Variants in HGS observed in about 807,000 individuals in gnomAD.
HGS encodes the protein human growth factor-regulated tyrosine kinase substrate.
HGS carries 63 observed loss-of-function variants against 109.7 expected under a neutral mutation model. That is an observed-to-expected ratio of 0.57 (90% CI 0.47 to 0.71). HGS has a LOEUF of 0.71. Among genes scored for constraint, HGS ranks in the 30% least tolerant of loss-of-function variants. HGS has a pLI of 0.00. For missense variants in HGS, 995 were observed against 1,068.3 expected, an observed-to-expected ratio of 0.93 and a Z score of 0.96; for synonymous variants, 546 against 437.3, an observed-to-expected ratio of 1.25 and a Z score of -3.10.
At position 81,688,915 on chromosome 17, in the gene HGS, A is replaced by C. The variant is rs530724445; in HGVS notation, c.415+88A>C. 3.5e-5 allele frequency: 54 copies of C among 1,542,778 alleles called. No homozygotes were observed. In the African/African-American group the frequency reaches 6.9e-4, roughly 20 times the overall value. On this transcript the variant is annotated intron_variant, in intron 5 of 21. Coordinates refer to ENST00000329138, the MANE Select transcript of HGS (RefSeq NM_004712.5). Reference sequence around the variant, plus strand: ...CGGGCACAGTGGCGAGGGGCCTGGGAAGATGGGTTGTTCCCTGTGTTGGGA... The same window carrying C: ...CGGGCACAGTGGCGAGGGGCCTGGGCAGATGGGTTGTTCCCTGTGTTGGGA...
rs761409407 is a variant in HGS, at chr17:81,693,979, G to C, written c.936+14G>C. 2 of 1,597,660 alleles carry C rather than the reference G, an allele frequency of 1.3e-6. No individual in the cohort carries two copies. Among genetic ancestry groups the C allele is most frequent in the African/African-American group, 2.7e-5 (2 of 74,304 alleles). On this transcript the variant is annotated intron_variant, in intron 11 of 21. Transcript: ENST00000329138. ...TCTTCACCTGTGGTGAGCGGCCCTT[G>C]GGCTGGAGCTCCCTCTCCTGGAAGG...
rs553252443 is a variant in HGS at position 81,700,521 on chromosome 17, C to T, written c.1937C>T (p.Ala646Val). ...CCAGCAGGGGCCACTGGGGCGCAGG[C>T]GGCCCCCCAGGCCCAGGCCGGACCC... ...MYPAGATGAQ[A>V]APQAQAGPTA... The change falls in exon 19 of 22, where the codon GCG becomes GTG. Residue 646 changes from alanine (A) to valine (V), a missense_variant. Transcript: ENST00000329138. The T allele has an allele frequency of 2.6e-5, 41 of 1,607,766 alleles. No homozygotes were observed. Among genetic ancestry groups the T allele is most frequent in the East Asian group, 2.0e-4 (9 of 44,818 alleles).
rs746512389 is a variant in HGS, at chr17:81,701,023, A to G, written c.2137-22A>G. Reference sequence around the variant, plus strand: ...CCTGGTCACAGGGCTACTCTCTCACATCTGACGTCTTCTCACAACAGAATC... The same window carrying G: ...CCTGGTCACAGGGCTACTCTCTCACGTCTGACGTCTTCTCACAACAGAATC... On this transcript the variant is annotated intron_variant, in intron 20 of 21. Coordinates refer to ENST00000329138, the MANE Select transcript of HGS (RefSeq NM_004712.5). 2.5e-6 allele frequency: 4 copies of G among 1,607,110 alleles called. No individual in the cohort carries two copies. The South Asian group carries it at 4.4e-5, about 18-fold the overall frequency.
chr17:81,694,875 A>G, intron 12 of HGS, 22 bp downstream of exon 12: 2 of 1,614,154 alleles, frequency 1.2e-6, no homozygotes, highest in South Asian at 1.1e-5. Context: ...CATGGGGTGC[A>G]TCCTCTCACG....
chr17:81,691,669 C>CA lies in HGS; in HGVS notation c.662+99dup. The CA allele has an allele frequency of 2.7e-6, 4 of 1,484,182 alleles. No individual in the cohort carries two copies. The highest frequency in any genetic ancestry group is 3.7e-6 in the Non-Finnish European group (4 of 1,076,676). The allele number at this position is 1,484,182 out of a possible 1,614,324, so 91.9% of individuals were successfully genotyped here. ...CATGGTGCCTGAGGCCTGCAGACCCCAGAGGACCCTCACAGCACAGCAGCT... is the reference window on the plus strand; with the variant it reads ...CATGGTGCCTGAGGCCTGCAGACCCCAAGAGGACCCTCACAGCACAGCAGCT... On this transcript the variant is annotated intron_variant, in intron 8 of 21. Transcript: ENST00000329138. This position sits in a 1 kb window ranked among gnomAD's most constrained non-coding sequence, Gnocchi z 5.3.
chr17:81,686,245 C>G, intron 2 of HGS, 67 bp from the exon 3 acceptor site: 1 of 1,360,214 alleles, frequency 7.4e-7, no homozygotes, highest in Non-Finnish European at 1.0e-6. Flanking sequence ...ATGAGCTTTT[C>G]TCATCTTAGT....
chr17:81,695,807 T>C lies in HGS; in HGVS notation c.1201T>C (p.Ser401Pro), dbSNP rs905802190. 1.9e-6 allele frequency: 3 copies of C among 1,613,130 alleles called. No individual in the cohort carries two copies. Among genetic ancestry groups the C allele is most frequent in the Non-Finnish European group, 2.5e-6 (3 of 1,179,962 alleles). The stretch of plus-strand genomic sequence containing the variant: ...GCAGCCACAGTTCCACAATGGCGAG[T>C]CTGAGGAGAGCCACGAGCAGTTCCT... ...FSEPQFHNGE[S>P]EESHEQFLKA... Residue 401 changes from serine (S) to proline (P), a missense_variant, in exon 15 of 22, where the codon TCT becomes CCT. Transcript: ENST00000329138.
Position 81,691,071 on chromosome 17 carries a change from C to T in HGS, c.537+329C>T, listed in dbSNP as rs916117552. The stretch of plus-strand genomic sequence containing the variant: ...TGGCTTAGCCCATCTGGATTCTTAC[C>T]CTCGAGGCATCTTCACATCAAAACC... On this transcript the variant is annotated intron_variant, in intron 7 of 21. Coordinates refer to ENST00000329138, the MANE Select transcript of HGS (RefSeq NM_004712.5). This position sits in a 1 kb window ranked among gnomAD's most constrained non-coding sequence, Gnocchi z 5.3. 8 of 443,984 alleles carry T rather than the reference C, an allele frequency of 1.8e-5. No individual in the cohort carries two copies. Among genetic ancestry groups the T allele is most frequent in the Middle Eastern group, 6.1e-4 (1 of 1,644 alleles). The allele number at this position is 443,984 out of a possible 1,614,324, so 27.5% of individuals were successfully genotyped here. A position where few individuals can be genotyped will look rare whatever the true frequency, so the allele number is the denominator to read the frequency against.
chr17:81,688,881 C>T, intron 5 of HGS, 54 bp downstream of exon 5: 1 of 1,610,184 alleles, frequency 6.2e-7, no homozygotes, highest in Non-Finnish European at 8.5e-7. Flanking sequence ...GCTGGGCAGT[C>T]AGGCTCAACG....
Position 81,701,752 on chromosome 17 carries a change from T to G in HGS, c.*134T>G. On this transcript the variant is annotated 3_prime_UTR_variant, in exon 22 of 22. Coordinates refer to ENST00000329138, the MANE Select transcript of HGS (RefSeq NM_004712.5). Reference sequence around the variant, plus strand: ...CTTCTCTGCGAGTGAGGGGGGGCCTTCACCCCAAGCCCACCTCCCTTGTCC... The same window carrying G: ...CTTCTCTGCGAGTGAGGGGGGGCCTGCACCCCAAGCCCACCTCCCTTGTCC... 1.5e-6 allele frequency: 2 copies of G among 1,335,834 alleles called. No homozygotes were observed. Among genetic ancestry groups the G allele is most frequent in the Non-Finnish European group, 2.0e-6 (2 of 1,004,972 alleles). The allele number at this position is 1,335,834 out of a possible 1,614,324, so 82.7% of individuals were successfully genotyped here.
Position 81,686,320 on chromosome 17 carries a change from A to T in HGS, c.131A>T (p.Tyr44Phe). The T allele has an allele frequency of 1.9e-6, 3 of 1,613,234 alleles. No individual in the cohort carries two copies. The highest frequency in any genetic ancestry group is 2.5e-6 in the Non-Finnish European group (3 of 1,179,590). ...CAATGTTTCCTTTTCAGAGCAAAAT[A>T]TGCTGTGAATTCCATCAAGAAGAAA... ...LIRQGDTQAK[Y>F]AVNSIKKKVN... Residue 44 changes from tyrosine (Y) to phenylalanine (F), a missense_variant, in exon 3 of 22, where the codon TAT (tyrosine) becomes TTT (phenylalanine). This residue lies in a region of HGS where 182 missense variants were observed against 261.3 expected (regional missense o/e 0.70). Coordinates refer to ENST00000329138, the MANE Select transcript of HGS (RefSeq NM_004712.5).
In HGS at chr17:81,695,812, G is replaced by A. The variant is rs750259227; in HGVS notation, c.1206G>A (p.Glu402=). 2 of 1,613,516 alleles carry A rather than the reference G, an allele frequency of 1.2e-6. No individual in the cohort carries two copies. Among genetic ancestry groups the A allele is most frequent in the Non-Finnish European group, 8.5e-7 (1 of 1,180,022 alleles). Reference sequence around the variant, plus strand: ...CACAGTTCCACAATGGCGAGTCTGAGGAGAGCCACGAGCAGTTCCTGAAGG... The same window carrying A: ...CACAGTTCCACAATGGCGAGTCTGAAGAGAGCCACGAGCAGTTCCTGAAGG... ...SEPQFHNGES[E]ESHEQFLKAL... The change falls in exon 15 of 22, where the codon GAG becomes GAA. Residue 402 remains glutamate, a synonymous_variant. Coordinates refer to ENST00000329138, the MANE Select transcript of HGS (RefSeq NM_004712.5).
rs2037050035 is a variant in HGS at position 81,690,710 on chromosome 17, T to C, written c.505T>C (p.Cys169Arg). Residue 169 changes from cysteine to arginine, a missense_variant, in exon 7 of 22, where the codon TGC (cysteine) becomes CGC (arginine). Physicochemically the swap from Cys to Arg is radical, Grantham distance 180. Coordinates refer to ENST00000329138, the MANE Select transcript of HGS (RefSeq NM_004712.5). ...DWVDAEECHRCRVQFGVMTRK... is the reference protein window; with the variant it reads ...DWVDAEECHRRRVQFGVMTRK... ...GGTGGACGCTGAGGAATGCCACCGCTGCAGGGTGCAGTTCGGGGTGATGAC... is the reference window on the plus strand; with the variant it reads ...GGTGGACGCTGAGGAATGCCACCGCCGCAGGGTGCAGTTCGGGGTGATGAC... 1 of 1,613,132 alleles carries C rather than the reference T, an allele frequency of 6.2e-7. No individual in the cohort carries two copies. The highest frequency in any genetic ancestry group is 1.7e-5 in the Admixed American group (1 of 59,982).
Position 81,696,899 on chromosome 17 carries a change from C to T in HGS, c.1783C>T (p.Pro595Ser). 3 of 1,610,000 alleles carry T rather than the reference C, an allele frequency of 1.9e-6. No homozygotes were observed. The highest frequency in any genetic ancestry group is 1.1e-5 in the South Asian group (1 of 91,080). The stretch of plus-strand genomic sequence containing the variant: ...AGCCAGCTTCCCCAGCACCTTCAGC[C>T]CTGCCGGCTCGGTGGAGGGCTCCCC... ...GPASFPSTFSPAGSVEGSPMH... is the reference protein window; with the variant it reads ...GPASFPSTFSSAGSVEGSPMH... Residue 595 changes from proline to serine, a missense_variant, in exon 18 of 22, where the codon CCT (proline) becomes TCT (serine). Physicochemically the swap from Pro to Ser is moderately conservative, Grantham distance 74. Around this residue, in one of 6 missense-constraint regions of HGS, gnomAD observed 326 missense variants for 309.7 expected, o/e 1.05. Transcript: ENST00000329138.
chr17:81,700,775 C>T lies in HGS; in HGVS notation c.2097C>T (p.Ser699=). The T allele has an allele frequency of 1.1e-5, 17 of 1,612,634 alleles. No individual in the cohort carries two copies. Among genetic ancestry groups the T allele is most frequent in the Non-Finnish European group, 1.4e-5 (17 of 1,179,838 alleles). The change falls in exon 20 of 22, where the codon AGC becomes AGT. Residue 699 remains serine (S), a synonymous_variant. Transcript: ENST00000329138. ...CCAGCACCATGGGCTACATGGGGAG[C>T]CAGTCAGTCTCCATGGGCTACCAGC... The part of the protein sequence containing the change: ...PQSSTMGYMG[S]QSVSMGYQPY...
intron 11 of HGS, among the ~76,000 whole-genome samples, 184 bp downstream of exon 11, chr17:81,694,149 C>T (rs1470538122): frequency 6.6e-6 from 1 of 152,208 alleles, no homozygotes; most frequent in Non-Finnish European, 1.5e-5. Context: ...GCACCCGTTG[C>T]TCCTGGTCCC....
chr17:81,698,678 TAGC>T (rs1362719430), intron 18 of HGS, among the ~76,000 whole-genome samples: 1 of 152,180 alleles, frequency 6.6e-6, no homozygotes, highest in African/African-American at 2.4e-5. Flanking sequence ...TCTAGGTTGT[TAGC>T]AGACAGAGCT....
rs957372565 is a variant in HGS, at chr17:81,696,905, G to A, written c.1789G>A (p.Gly597Ser). 10 of 1,609,074 alleles carry A rather than the reference G, an allele frequency of 6.2e-6. No individual in the cohort carries two copies. The highest frequency in any genetic ancestry group is 3.3e-5 in the Admixed American group (2 of 59,998). The change falls in exon 18 of 22, where the codon GGC becomes AGC. Residue 597 changes from glycine (G) to serine (S), a missense_variant. Coordinates refer to ENST00000329138, the MANE Select transcript of HGS (RefSeq NM_004712.5). ...CTTCCCCAGCACCTTCAGCCCTGCC[G>A]GCTCGGTGGAGGGCTCCCCAATGCA... The part of the protein sequence containing the change: ...ASFPSTFSPA[G>S]SVEGSPMHGV...
chr17:81,689,820 G>A (rs771963264), intron 5 of HGS, among the ~76,000 whole-genome samples: 4 of 152,194 alleles, frequency 2.6e-5, no homozygotes, highest in Non-Finnish European at 4.4e-5. Flanking sequence ...TTCTGGGGTC[G>A]TGTGTCAAGA....
Sources: gnomAD v4.1 joint callset for allele counts (sites outside exome capture counted in the v4.1 genomes callset) on GRCh38, gnomAD v4.1.1 for gene constraint, gnomAD v4.1.1 regional missense constraint, Gnocchi (gnomAD v3.1) non-coding constraint, MANE v1.5 for transcripts, NCBI Gene and HGNC (gene_info 2026-07-23, HGNC 2026-07-21) for gene names.